Variants in ADARB2 observed in about 807,000 individuals in gnomAD.
ADARB2 encodes the protein inactive double-stranded RNA-specific editase B2.
In ADARB2, 25 loss-of-function variants were observed where a neutral mutation model predicts 62.2. The observed-to-expected ratio is 0.40, with a 90% CI of 0.29 to 0.56. The LOEUF (loss-of-function observed/expected upper bound fraction) is 0.56. ADARB2 is among the 20% of genes least tolerant of loss of function. ADARB2 has a pLI of 0.43. For synonymous variants in ADARB2, 572 were observed against 500.8 expected, an observed-to-expected ratio of 1.14 and a Z score of -1.90; for missense variants, 1,071 against 1,077.4, an observed-to-expected ratio of 0.99 and a Z score of 0.08.
chr10:1,207,452 A>G (rs899680784), intron 7 of ADARB2, among the ~76,000 whole-genome samples: 5 of 152,132 alleles, frequency 3.3e-5, no homozygotes, highest in African/African-American at 1.2e-4. Context: ...AAGGACCTAC[A>G]CTCTGAGATT....
At chr10:1,703,504 G>C (rs982847614) in intron 1 of ADARB2, among the ~76,000 whole-genome samples, 17 of 152,208 alleles carry the variant, frequency 1.1e-4, no homozygotes, top group Non-Finnish European at 1.5e-5. Flanking sequence ...TGATCCAGCA[G>C]AGAGGGGAGA....
chr10:1,213,251 A>T (rs1454209853), intron 7 of ADARB2, among the ~76,000 whole-genome samples: 1 of 152,144 alleles, frequency 6.6e-6, no homozygotes, highest in Non-Finnish European at 1.5e-5. Context: ...AAGGACAGAG[A>T]TGGAGACAAA....
intron 1 of ADARB2, among the ~76,000 whole-genome samples, chr10:1,428,922 G>A (rs552745193): frequency 6.6e-6 from 1 of 152,044 alleles, no homozygotes; most frequent in African/African-American, 2.4e-5. Context: ...AGTCAAACAG[G>A]AAATCTGAAT....
intron 1 of ADARB2, among the ~76,000 whole-genome samples, chr10:1,419,225 C>G (rs1337916279): frequency 6.6e-6 from 1 of 152,170 alleles, no homozygotes; most frequent in Non-Finnish European, 1.5e-5. Flanking sequence ...TCCCAAGTAG[C>G]TGGGATTACA....
Position 1,302,426 on chromosome 10 carries a change from T to C in ADARB2, c.1078-31357A>G, listed in dbSNP as rs985920397. ...CTAGCACAGCAGTCTGAGATCAAAC[T>C]GCAAGGCGGCAGCGAGCCTGGGGGA... is the stretch of plus-strand genomic sequence containing the variant. On this transcript the variant is annotated intron_variant, in intron 3 of 9. Transcript: ENST00000381312. Among the ~76,000 whole-genome samples the C allele has an allele frequency of 3.1e-4, 47 of 152,254 alleles. 1 individual carries two copies. Among genetic ancestry groups the C allele is most frequent in the African/African-American group, 7.9e-4 (33 of 41,538 alleles).
intron 1 of ADARB2, among the ~76,000 whole-genome samples, chr10:1,473,516 A>T (rs1051972196): frequency 2.6e-5 from 4 of 152,062 alleles, no homozygotes; most frequent in Non-Finnish European, 5.9e-5. Flanking sequence ...AGAAGCTGGG[A>T]CTACAGACGT....
In ADARB2 at chr10:1,398,399, T is replaced by A. The variant is rs1832634350; in HGVS notation, c.101-19239A>T. 6.6e-6 allele frequency among the ~76,000 whole-genome samples: 1 copy of A among 152,202 alleles called. No individual in the cohort carries two copies. Among genetic ancestry groups the A allele is most frequent in the South Asian group, 2.1e-4 (1 of 4,836 alleles). ...GAGCGCTCCTCGGGACATCTGGCCTTTCACCTGTGCATGGTTGGGAGGGAG... is the reference window on the plus strand; with the variant it reads ...GAGCGCTCCTCGGGACATCTGGCCTATCACCTGTGCATGGTTGGGAGGGAG... On this transcript the variant is annotated intron_variant, in intron 1 of 9. Coordinates refer to ENST00000381312, the MANE Select transcript of ADARB2 (RefSeq NM_018702.4). The surrounding 1 kb of genome is among the most constrained non-coding windows in gnomAD (Gnocchi z 4.1).
At chr10:1,585,329 G>A (rs962943473) in intron 1 of ADARB2, among the ~76,000 whole-genome samples, 1 of 152,038 alleles carries the variant, frequency 6.6e-6, no homozygotes, top group African/African-American at 2.4e-5. Context: ...AGTCGAGTTG[G>A]GAACTGCATC....
chr10:1,219,551 C>T (rs184525609), intron 6 of ADARB2, among the ~76,000 whole-genome samples: 33 of 152,240 alleles, frequency 2.2e-4, no homozygotes, highest in Admixed American at 6.5e-4. Context: ...GAGTCATTCA[C>T]GGAAAAAAGA....
intron 4 of ADARB2, among the ~76,000 whole-genome samples, chr10:1,263,958 AC>A (rs1831169048): frequency 6.6e-6 from 1 of 152,228 alleles, no homozygotes; most frequent in Non-Finnish European, 1.5e-5. Context: ...AAGGGTCAGC[AC>A]CGGTTTAGTG....
intron 1 of ADARB2, among the ~76,000 whole-genome samples, chr10:1,458,603 A>G (rs61834366): frequency 0.19 from 28,472 of 152,082 alleles, 2,965 homozygotes; most frequent in East Asian, 0.33. Context: ...TTGGGGGTCC[A>G]CCGCTATGGC....
At chr10:1,468,520 T>C (rs537693247) in intron 1 of ADARB2, among the ~76,000 whole-genome samples, 10 of 152,268 alleles carry the variant, frequency 6.6e-5, no homozygotes, top group African/African-American at 2.4e-4. Context: ...CAGGTCACAG[T>C]GTTATTCTGG....
intron 1 of ADARB2, among the ~76,000 whole-genome samples, chr10:1,401,320 C>T (rs911801056): frequency 2.0e-5 from 3 of 152,180 alleles, no homozygotes; most frequent in African/African-American, 7.2e-5. Context: ...CAGCACAGAG[C>T]CCTGCGGGGA....
At chr10:1,644,926 C>T (rs977352442) in intron 1 of ADARB2, among the ~76,000 whole-genome samples, 15 of 152,222 alleles carry the variant, frequency 9.9e-5, no homozygotes, top group Non-Finnish European at 2.1e-4. Flanking sequence ...TTTTCGCAAG[C>T]AGTTTTAAGA....
At chr10:1,272,467 C>T (rs1004792679) in intron 3 of ADARB2, among the ~76,000 whole-genome samples, 3 of 152,268 alleles carry the variant, frequency 2.0e-5, no homozygotes, top group Admixed American at 2.0e-4. Context: ...ACAAAACAAC[C>T]TAGCACCTCT....
In ADARB2 at chr10:1,180,118, C is replaced by G. The variant is rs973747874; in HGVS notation, c.*3075G>C. 2.0e-5 allele frequency: 3 copies of G among 152,278 alleles called. No homozygotes were observed. The highest frequency in any genetic ancestry group is 7.2e-5 in the African/African-American group (3 of 41,426). 9.4% of individuals were successfully genotyped at this position (152,278 alleles called of 1,614,324 possible). ...CTGACCTGGACCTGAGGGCGAAATC[C>G]TCAGGCTTCAACACGAGCCCTTCCA... On this transcript the variant is annotated 3_prime_UTR_variant, in exon 10 of 10. Transcript: ENST00000381312.
At chr10:1,736,839 C>T (rs1350571465) in intron 1 of ADARB2, among the ~76,000 whole-genome samples, 1 of 152,206 alleles carries the variant, frequency 6.6e-6, no homozygotes, top group Non-Finnish European at 1.5e-5. Context: ...CATGTCGCAG[C>T]GTGGCTGCTC....
intron 3 of ADARB2, among the ~76,000 whole-genome samples, chr10:1,348,081 G>A (rs1384475560): frequency 2.0e-5 from 3 of 152,142 alleles, no homozygotes; most frequent in Middle Eastern, 3.4e-3. Flanking sequence ...AGAGACAGTG[G>A]GAATGTGAAT....
At chr10:1,232,373 G>T (rs1477426287) in intron 6 of ADARB2, among the ~76,000 whole-genome samples, 1 of 151,010 alleles carries the variant, frequency 6.6e-6, no homozygotes, top group Non-Finnish European at 1.5e-5. Flanking sequence ...TCTGTGTGTG[G>T]TGTGTGTGGT....
Sources: allele counts gnomAD v4.1 joint callset (sites outside exome capture counted in the v4.1 genomes callset), GRCh38; gene constraint gnomAD v4.1.1; non-coding constraint Gnocchi (gnomAD v3.1); transcripts MANE v1.5; gene names NCBI Gene and HGNC (gene_info 2026-07-23, HGNC 2026-07-21).